Variants in MAST4 observed in about 807,000 individuals in gnomAD.
MAST4 encodes microtubule associated serine/threonine kinase family member 4.
A neutral mutation model predicts 162.7 loss-of-function variants in MAST4; 89 were observed. The observed-to-expected ratio is 0.55, with a 90% confidence interval of 0.46 to 0.65. The LOEUF is 0.65. MAST4 is among the 30% of genes least tolerant of loss of function. The pLI is 0.00. For synonymous variants in MAST4, 1,479 were observed against 1,361.1 expected (o/e 1.09, Z -1.91); for missense variants, 3,153 against 3,374.0 (o/e 0.93, Z 1.62).
At chr5:67,123,250 C>A (rs545525288) in intron 14 of MAST4, among the ~76,000 whole-genome samples, 1 of 152,266 alleles carries the variant, frequency 6.6e-6, no homozygotes, top group African/African-American at 2.4e-5. Context: ...GGGAACTAAC[C>A]CTGTCATTAG....
chr5:66,936,169 G>A (rs575827512), intron 4 of MAST4, among the ~76,000 whole-genome samples: 2 of 152,218 alleles, frequency 1.3e-5, no homozygotes, highest in Non-Finnish European at 2.9e-5. Context: ...GAGAAAGTGT[G>A]AATTTGCGTT....
At chr5:66,681,064 G>C (rs796819353) in intron 1 of MAST4, among the ~76,000 whole-genome samples, 5 of 152,280 alleles carry the variant, frequency 3.3e-5, no homozygotes, top group African/African-American at 1.2e-4. Flanking sequence ...CCCAAATCCA[G>C]CTTCACATTA....
At chr5:67,019,351 G>A (rs1279988756) in intron 4 of MAST4, among the ~76,000 whole-genome samples, 2 of 152,134 alleles carry the variant, frequency 1.3e-5, no homozygotes, top group African/African-American at 4.8e-5. Context: ...TTCAGGTCCT[G>A]TTTTTCTCCA....
chr5:66,614,597 T>G (rs1360038255), intron 1 of MAST4, among the ~76,000 whole-genome samples: 1 of 152,204 alleles, frequency 6.6e-6, no homozygotes, highest in Non-Finnish European at 1.5e-5. Flanking sequence ...ATTGGAGATT[T>G]TCTGTGTTGC....
intron 4 of MAST4, among the ~76,000 whole-genome samples, chr5:67,037,203 A>G (rs145489442): frequency 6.6e-6 from 1 of 152,208 alleles, no homozygotes; most frequent in Non-Finnish European, 1.5e-5. Flanking sequence ...AAGACCATCC[A>G]GGCAACATAG....
chr5:66,637,987 G>A (rs1745232481), intron 1 of MAST4, among the ~76,000 whole-genome samples: 1 of 152,140 alleles, frequency 6.6e-6, no homozygotes, highest in South Asian at 2.1e-4. Context: ...ACAGACATGA[G>A]CCACCATGCC....
chr5:67,166,881 G>A lies in MAST4; in HGVS notation c.7702G>A (p.Ala2568Thr). Residue 2568 changes from alanine to threonine, a missense_variant, in exon 29 of 29, where the codon GCC becomes ACC. By Grantham distance (58) the Ala-to-Thr change is moderately conservative (BLOSUM62 0). Coordinates refer to ENST00000403625, the MANE Select transcript of MAST4 (RefSeq NM_001164664.2). The part of the protein sequence containing the change: ...GETKGKDPAP[A>T]QPPPARKQNV... The stretch of plus-strand genomic sequence containing the variant: ...AACCAAAGGGAAGGACCCTGCCCCA[G>A]CCCAGCCTCCCCCAGCTAGGAAACA... The A allele has an allele frequency of 6.2e-7, 1 of 1,609,558 alleles. No individual in the cohort carries two copies.
At chr5:67,080,665 T>G (rs916656067) in intron 5 of MAST4, among the ~76,000 whole-genome samples, 5 of 152,040 alleles carry the variant, frequency 3.3e-5, no homozygotes, top group African/African-American at 1.2e-4. Context: ...GTGAATACTC[T>G]TAGTTTTGCT....
At chr5:66,832,448 C>T (rs921182459) in intron 3 of MAST4, among the ~76,000 whole-genome samples, 7 of 152,040 alleles carry the variant, frequency 4.6e-5, no homozygotes, top group Non-Finnish European at 1.0e-4. Flanking sequence ...CTGCCCTTCC[C>T]ACCTTATTTA....
intron 3 of MAST4, among the ~76,000 whole-genome samples, chr5:66,856,129 C>T (rs1245412673): frequency 6.6e-6 from 1 of 152,192 alleles, no homozygotes; most frequent in African/African-American, 2.4e-5. Flanking sequence ...CACTGCACTC[C>T]AGCCTGGGTG....
intron 3 of MAST4, among the ~76,000 whole-genome samples, chr5:66,791,726 T>C (rs1244004567): frequency 6.6e-6 from 1 of 152,186 alleles, no homozygotes; most frequent in Non-Finnish European, 1.5e-5. Flanking sequence ...ATGTGATTAG[T>C]CATTTACTAC....
chr5:67,051,299 G>GT, intron 4 of MAST4, among the ~76,000 whole-genome samples: 1 of 152,082 alleles, frequency 6.6e-6, no homozygotes, highest in East Asian at 1.9e-4. Context: ...GGTTAAATGA[G>GT]TAGGTGTGGC....
At chr5:66,765,852 GCC>G (rs1413428936) in intron 2 of MAST4, among the ~76,000 whole-genome samples, 1 of 151,804 alleles carries the variant, frequency 6.6e-6, no homozygotes, top group Non-Finnish European at 1.5e-5. Flanking sequence ...AATAACCAGT[GCC>G]CTTTTTGCAG....
chr5:66,744,566 T>C (rs1752645239), intron 1 of MAST4, among the ~76,000 whole-genome samples: 1 of 152,224 alleles, frequency 6.6e-6, no homozygotes, highest in African/African-American at 2.4e-5. Context: ...ACATGGCAGC[T>C]TCTGCTTCTG....
chr5:66,613,069 A>G lies in MAST4; in HGVS notation c.363+16051A>G, dbSNP rs529398580. Among the ~76,000 whole-genome samples the G allele has an allele frequency of 9.2e-5, 14 of 152,248 alleles. No homozygotes were observed. In the South Asian group the frequency reaches 1.9e-3, roughly 20 times the overall value. On this transcript the variant is annotated intron_variant, in intron 1 of 28. Coordinates refer to ENST00000403625, the MANE Select transcript of MAST4 (RefSeq NM_001164664.2). ...TTGTATCTTGCTAGGTAATTAAACA[A>G]TGTTTACAATTAATATATTTATATT...
At chr5:66,867,887 C>A in intron 3 of MAST4, among the ~76,000 whole-genome samples, 1 of 152,218 alleles carries the variant, frequency 6.6e-6, no homozygotes, top group Admixed American at 6.5e-5. Flanking sequence ...TACCAGGAGA[C>A]TGATATCTCA....
chr5:66,758,092 G>T (rs77921022), intron 1 of MAST4, among the ~76,000 whole-genome samples: 4,956 of 151,648 alleles, frequency 0.033, 191 homozygotes, highest in African/African-American at 0.095. Context: ...GTGCACTCTG[G>T]AGTCCCTTTT....
intron 3 of MAST4, among the ~76,000 whole-genome samples, chr5:66,858,892 T>C (rs1421576648): frequency 2.0e-5 from 3 of 152,160 alleles, no homozygotes; most frequent in African/African-American, 7.2e-5. Context: ...GATGTATCTC[T>C]AGATACCTTA....
At chr5:66,806,022 G>T (rs1351782939) in intron 3 of MAST4, among the ~76,000 whole-genome samples, 1 of 152,114 alleles carries the variant, frequency 6.6e-6, no homozygotes. Flanking sequence ...ACTTTTTCTT[G>T]CTGGCAGTGT....
Sources: gnomAD v4.1 joint callset for allele counts (sites outside exome capture counted in the v4.1 genomes callset) on GRCh38, gnomAD v4.1.1 for gene constraint, MANE v1.5 for transcripts, NCBI Gene and HGNC (gene_info 2026-07-23, HGNC 2026-07-21) for gene names.